TLCD4: variants seen among roughly 807,000 people sequenced by gnomAD.
TLCD4 encodes the protein TLC domain containing 4, also known as TLC domain-containing protein 4.
In TLCD4, 7 loss-of-function variants were observed where a neutral mutation model predicts 24.2. The ratio of observed to expected loss-of-function variants is 0.29; its 90% CI spans 0.16 to 0.54. The LOEUF (loss-of-function observed/expected upper bound fraction) is 0.54. TLCD4 is among the 20% of genes least tolerant of loss of function. TLCD4 has a pLI of 0.95. For missense variants in TLCD4, 259 were observed against 313.9 expected (o/e 0.82, Z 1.32); for synonymous variants, 103 against 106.4 (o/e 0.97, Z 0.20).
chr1:95,125,746 G>A (rs1676715593), intron 1 of TLCD4: 1 of 152,126 alleles, frequency 6.6e-6, no homozygotes, highest in South Asian at 2.1e-4. Context: ...TTAGGCCAAG[G>A]GTTAAATCAA....
upstream of TLCD4, among the ~76,000 whole-genome samples, chr1:95,113,708 A>G (rs1251570759): frequency 6.6e-6 from 1 of 152,252 alleles, no homozygotes; most frequent in African/African-American, 2.4e-5. Context: ...TACATTGTAG[A>G]AAATATATCA....
At chr1:95,113,423 G>A (rs1319494728), upstream of TLCD4, among the ~76,000 whole-genome samples, 1 of 152,108 alleles carries the variant, frequency 6.6e-6, no homozygotes, top group Non-Finnish European at 1.5e-5. Flanking sequence ...TTGTGGTGGT[G>A]GGTAAAAGAG....
intron 5 of TLCD4, among the ~76,000 whole-genome samples, chr1:95,152,108 A>G (rs556340994): frequency 2.2e-4 from 34 of 152,092 alleles, no homozygotes; most frequent in South Asian, 1.5e-3. Flanking sequence ...TGATATGTCT[A>G]TGTTCTGTTG....
upstream of TLCD4, chr1:95,117,322 G>A (rs921635525): frequency 3.3e-5 from 5 of 152,358 alleles, no homozygotes; most frequent in South Asian, 2.1e-4. Context: ...CGCCCGGAGC[G>A]GGAGCCGGAG....
upstream of TLCD4, among the ~76,000 whole-genome samples, chr1:95,114,353 C>T (rs554768046): frequency 2.2e-4 from 33 of 152,188 alleles, no homozygotes; most frequent in South Asian, 5.0e-3. Flanking sequence ...AAATGTTTGG[C>T]GTCATTTAGT....
In TLCD4 at chr1:95,148,769, G is replaced by T. The variant is rs368830517; in HGVS notation, c.223G>T (p.Ala75Ser). 5.0e-6 allele frequency: 8 copies of T among 1,613,310 alleles called. No homozygotes were observed. In the African/African-American group the frequency reaches 8.0e-5, roughly 16 times the overall value. The change falls in exon 3 of 7, where the codon GCT (alanine) becomes TCT (serine). Residue 75 changes from alanine (A) to serine (S), a missense_variant. Transcript: ENST00000370203. ...CCTGTACATTTTCTTATTCGATGAG[G>T]CTACTAAAGCTGATCCACTTTGGTA... is the stretch of plus-strand genomic sequence containing the variant. ...FGLYIFLFDE[A>S]TKADPLWGGP...
At chr1:95,127,226 A>T (rs1676765097) in intron 1 of TLCD4, among the ~76,000 whole-genome samples, 1 of 152,168 alleles carries the variant, frequency 6.6e-6, no homozygotes, top group Non-Finnish European at 1.5e-5. Context: ...TGGGAGACAT[A>T]TGCTAACTTG....
intron 5 of TLCD4, among the ~76,000 whole-genome samples, chr1:95,159,823 T>C (rs1025283341): frequency 6.6e-6 from 1 of 152,156 alleles, no homozygotes; most frequent in Non-Finnish European, 1.5e-5. Context: ...TGTAGATGTG[T>C]GGTATTATTA....
chr1:95,196,750 T>G lies in TLCD4; in HGVS notation c.*4882T>G, dbSNP rs1679218389. The G allele has an allele frequency of 6.6e-6, 1 of 152,206 alleles. No individual in the cohort carries two copies. The highest frequency in any genetic ancestry group is 1.5e-5 in the Non-Finnish European group (1 of 68,042). The allele number at this position is 152,206 out of a possible 1,614,324, so 9.4% of individuals were successfully genotyped here. On this transcript the variant is annotated 3_prime_UTR_variant, in exon 7 of 7. Transcript: ENST00000370203. Reference sequence around the variant, plus strand: ...CTTTGGATATTTTTTCTTTATATCTTTATGTAATTATTTCTGTAATTAAGT... The same window carrying G: ...CTTTGGATATTTTTTCTTTATATCTGTATGTAATTATTTCTGTAATTAAGT...
At chr1:95,165,829 T>C (rs536160858) in intron 5 of TLCD4, among the ~76,000 whole-genome samples, 4 of 152,326 alleles carry the variant, frequency 2.6e-5, no homozygotes, top group African/African-American at 9.6e-5. Context: ...AGAACCATTG[T>C]GTAACTGGTT....
chr1:95,108,343 C>G, the TLCD4 span, among the ~76,000 whole-genome samples: 76,901 of 151,912 alleles, frequency 0.51, 21,110 homozygotes, highest in Non-Finnish European at 0.6. Context: ...CGAATTCCAA[C>G]GTAAGGAGAG....
chr1:95,140,380 A>G (rs531751373), intron 1 of TLCD4, among the ~76,000 whole-genome samples: 1 of 152,180 alleles, frequency 6.6e-6, no homozygotes, highest in East Asian at 1.9e-4. Context: ...TTATAATCTT[A>G]TGAGACCACC....
intron 1 of TLCD4, 58 bp from the exon 2 acceptor site, chr1:95,143,829 TAAAA>T: frequency 6.2e-6 from 8 of 1,299,028 alleles, no homozygotes; most frequent in Non-Finnish European, 7.9e-6. Flanking sequence ...TTTCTTAAAA[TAAAA>T]AAATTACTCT....
rs542605265 is a variant in TLCD4, at chr1:95,196,025, G to A, written c.*4157G>A. 6.6e-4 allele frequency: 101 copies of A among 152,236 alleles called. No individual in the cohort carries two copies. The highest frequency in any genetic ancestry group is 2.3e-3 in the African/African-American group (95 of 41,556). The allele number at this position is 152,236 out of a possible 1,614,324, so 9.4% of individuals were successfully genotyped here. On this transcript the variant is annotated 3_prime_UTR_variant, in exon 7 of 7. Transcript: ENST00000370203. ...AAATAGGTTCTCTCATTGAAAAAAAGCATTGTAGTAAAGTTTAAAGTGGAG... is the reference window on the plus strand; with the variant it reads ...AAATAGGTTCTCTCATTGAAAAAAAACATTGTAGTAAAGTTTAAAGTGGAG...
chr1:95,119,231 G>A (rs569412813), intron 1 of TLCD4, among the ~76,000 whole-genome samples: 1 of 152,298 alleles, frequency 6.6e-6, no homozygotes, highest in South Asian at 2.1e-4. Flanking sequence ...GCAAACCCCA[G>A]GGAAGCTAGG....
In TLCD4 at chr1:95,191,635, G is replaced by A. The variant is rs995809602; in HGVS notation, c.559G>A (p.Val187Met). ...GILMTVVFFI[V>M]RIASMLPHYG... ...ACTCATGACAGTAGTATTCTTCATC[G>A]TGCGGATTGCCTCAATGCTTCCTCA... is the stretch of plus-strand genomic sequence containing the variant. The change falls in exon 7 of 7, where the codon GTG (valine) becomes ATG (methionine). Residue 187 changes from valine (V) to methionine (M), a missense_variant. By Grantham distance (21) the Val-to-Met change is conservative. Coordinates refer to ENST00000370203, the MANE Select transcript of TLCD4 (RefSeq NM_152487.3). 4.3e-6 allele frequency: 7 copies of A among 1,614,084 alleles called. No homozygotes were observed. Among genetic ancestry groups the A allele is most frequent in the African/African-American group, 1.3e-5 (1 of 75,014 alleles).
intron 2 of TLCD4, among the ~76,000 whole-genome samples, chr1:95,146,536 C>T (rs993447133): frequency 2.6e-5 from 4 of 151,812 alleles, no homozygotes; most frequent in African/African-American, 9.7e-5. Context: ...ATTTCTTTTC[C>T]ACCCTCTTTG....
intron 5 of TLCD4, among the ~76,000 whole-genome samples, chr1:95,157,188 A>G (rs1677656477): frequency 1.3e-5 from 2 of 152,170 alleles, no homozygotes; most frequent in South Asian, 2.1e-4. Flanking sequence ...TGATGCCCCA[A>G]TCTCACAACC....
At chr1:95,184,418 C>G (rs749041887) in intron 6 of TLCD4, among the ~76,000 whole-genome samples, 1 of 151,992 alleles carries the variant, frequency 6.6e-6, no homozygotes, top group Non-Finnish European at 1.5e-5. Flanking sequence ...TGAATTAGAG[C>G]AAATAATTCC....
Sources: gnomAD v4.1 joint callset for allele counts (sites outside exome capture counted in the v4.1 genomes callset) on GRCh38, gnomAD v4.1.1 for gene constraint, MANE v1.5 for transcripts, NCBI Gene and HGNC (gene_info 2026-07-23, HGNC 2026-07-21) for gene names.